SEMA3C: variants seen among roughly 807,000 people sequenced by gnomAD.
SEMA3C encodes semaphorin-3C.
SEMA3C carries 47 observed loss-of-function variants against 89.4 expected under a neutral mutation model. The observed-to-expected ratio is 0.53, with a 90% CI of 0.42 to 0.67. The LOEUF (loss-of-function observed/expected upper bound fraction) is 0.67, where lower values mean the gene tolerates loss of function less well. SEMA3C is among the 30% of genes least tolerant of loss of function. The pLI is 0.00. For synonymous variants in SEMA3C, 310 were observed against 320.2 expected (o/e 0.97, Z 0.34); for missense variants, 839 against 929.1 (o/e 0.90, Z 1.26).
chr7:80,894,823 T>A (rs1383726993), intron 2 of SEMA3C, among the ~76,000 whole-genome samples: 1 of 152,072 alleles, frequency 6.6e-6, no homozygotes, highest in Non-Finnish European at 1.5e-5. Flanking sequence ...ACTTCTTAAG[T>A]GGTTAGGTAG....
At chr7:80,790,641 T>A (rs930377458) in intron 11 of SEMA3C, among the ~76,000 whole-genome samples, 1 of 152,180 alleles carries the variant, frequency 6.6e-6, no homozygotes, top group African/African-American at 2.4e-5. Flanking sequence ...TTCTGTTACC[T>A]CACATTCAGT....
intron 15 of SEMA3C, 126 bp downstream of exon 15, chr7:80,758,204 TA>T: frequency 9.7e-7 from 1 of 1,025,658 alleles, no homozygotes; most frequent in Non-Finnish European, 1.4e-6. Flanking sequence ...TGTGTGGTGT[TA>T]AACATAGCTT....
chr7:80,769,286 G>C (rs1210839604), intron 12 of SEMA3C, among the ~76,000 whole-genome samples: 1 of 152,106 alleles, frequency 6.6e-6, no homozygotes, highest in Non-Finnish European at 1.5e-5. Context: ...CCTATGAAAA[G>C]AGACTGAGTA....
At chr7:80,920,258 T>A (rs1344777485), upstream of SEMA3C, among the ~76,000 whole-genome samples, 2 of 152,178 alleles carry the variant, frequency 1.3e-5, no homozygotes, top group Admixed American at 6.5e-5. Context: ...TCGGGAGAAA[T>A]GAGCTTTGAT....
chr7:80,836,000 C>T (rs1395897058), intron 2 of SEMA3C, among the ~76,000 whole-genome samples: 6 of 152,168 alleles, frequency 3.9e-5, no homozygotes, highest in Admixed American at 6.5e-5. Flanking sequence ...CTGACAACTT[C>T]GACAGTTACT....
chr7:80,902,662 T>TC, intron 2 of SEMA3C, among the ~76,000 whole-genome samples: 1 of 152,220 alleles, frequency 6.6e-6, no homozygotes. Context: ...GTCGTCATGA[T>TC]ATCACAACAT....
rs539970919 is a variant in SEMA3C at position 80,778,375 on chromosome 7, AG to A, written c.1354+10930del. Among the ~76,000 whole-genome samples, 7 of 152,328 alleles carry A rather than the reference AG, an allele frequency of 4.6e-5. No homozygotes were observed. The East Asian group carries it at 1.4e-3, about 29-fold the overall frequency. On this transcript the variant is annotated intron_variant, in intron 12 of 17. Transcript: ENST00000265361. ...AAGGATACAACAACTACATGTCCAA[AG>A]ATGTAAATTCGGGGCTAATCTTCTC...
At chr7:80,772,615 A>G (rs1214644667) in intron 12 of SEMA3C, among the ~76,000 whole-genome samples, 4 of 152,120 alleles carry the variant, frequency 2.6e-5, no homozygotes, top group Non-Finnish European at 5.9e-5. Flanking sequence ...AAGCCATCTA[A>G]TCATCTTCCC....
intron 2 of SEMA3C, among the ~76,000 whole-genome samples, chr7:80,860,697 A>G (rs1376080292): frequency 6.6e-6 from 1 of 152,204 alleles, no homozygotes; most frequent in Non-Finnish European, 1.5e-5. Flanking sequence ...TTACTCTTCT[A>G]GCAGTGACAG....
chr7:80,838,133 A>G (rs909206670), intron 2 of SEMA3C, among the ~76,000 whole-genome samples: 4 of 152,108 alleles, frequency 2.6e-5, no homozygotes, highest in Non-Finnish European at 4.4e-5. Context: ...ATACTTTATC[A>G]CTATTAAAAA....
At chr7:80,796,196 T>C (rs934388329) in intron 11 of SEMA3C, among the ~76,000 whole-genome samples, 4 of 152,216 alleles carry the variant, frequency 2.6e-5, no homozygotes, top group African/African-American at 9.7e-5. Flanking sequence ...GATGAGTCTA[T>C]GACTAGGTCA....
At chr7:80,817,489 T>A (rs954807050) in intron 5 of SEMA3C, among the ~76,000 whole-genome samples, 1 of 152,188 alleles carries the variant, frequency 6.6e-6, no homozygotes, top group East Asian at 1.9e-4. Flanking sequence ...TAAAACAACA[T>A]GTTTGACTAA....
chr7:80,857,591 C>T (rs569115350), intron 2 of SEMA3C, among the ~76,000 whole-genome samples: 188 of 152,130 alleles, frequency 1.2e-3, no homozygotes, highest in Non-Finnish European at 2.3e-3. Context: ...AGGGGTCTCT[C>T]CCCATTCAAA....
At chr7:80,864,909 A>G (rs968066486) in intron 2 of SEMA3C, among the ~76,000 whole-genome samples, 5 of 152,126 alleles carry the variant, frequency 3.3e-5, no homozygotes, top group African/African-American at 1.2e-4. Context: ...TAATTTTCCC[A>G]GACACCCTGG....
intron 2 of SEMA3C, among the ~76,000 whole-genome samples, chr7:80,884,333 G>A (rs1342545821): frequency 6.6e-6 from 1 of 152,086 alleles, no homozygotes; most frequent in Non-Finnish European, 1.5e-5. Context: ...TCAAGAACAA[G>A]TTTCTTGACT....
chr7:80,815,554 CAAAA>C (rs761990267), intron 5 of SEMA3C, among the ~76,000 whole-genome samples: 1 of 58,850 alleles, frequency 1.7e-5, no homozygotes, highest in Non-Finnish European at 3.2e-5. Flanking sequence ...TTTAAATGGG[CAAAA>C]AAAAAAAAAA....
chr7:80,808,848 C>G (rs1214712064), intron 6 of SEMA3C, among the ~76,000 whole-genome samples: 2 of 152,138 alleles, frequency 1.3e-5, no homozygotes, highest in African/African-American at 4.8e-5. Context: ...GATCTCGGCT[C>G]ACCACAACCT....
intron 13 of SEMA3C, among the ~76,000 whole-genome samples, chr7:80,763,514 T>TA (rs1205571848): frequency 8.5e-5 from 13 of 152,196 alleles, no homozygotes; most frequent in Non-Finnish European, 1.5e-4. Context: ...ACTCTGTTTT[T>TA]CCACTGAGAG....
intron 2 of SEMA3C, among the ~76,000 whole-genome samples, chr7:80,864,863 C>G (rs1562913100): frequency 6.6e-6 from 1 of 152,180 alleles, no homozygotes; most frequent in East Asian, 1.9e-4. Context: ...CAGATCAGCT[C>G]TTTGCCTTGT....
Sources: gnomAD v4.1 joint callset for allele counts (sites outside exome capture counted in the v4.1 genomes callset) on GRCh38, gnomAD v4.1.1 for gene constraint, MANE v1.5 for transcripts, NCBI Gene and HGNC (gene_info 2026-07-23, HGNC 2026-07-21) for gene names.